The following GRIK2 variants were observed in gnomAD, a reference collection of about 807,000 sequenced individuals.
GRIK2 encodes glutamate ionotropic receptor kainate type subunit 2.
GRIK2 carries 32 observed loss-of-function variants against 100.3 expected under a neutral mutation model. The observed-to-expected ratio is 0.32, with a 90% confidence interval of 0.24 to 0.43. The LOEUF is 0.43. Among genes scored for constraint, GRIK2 ranks in the 20% least tolerant of loss-of-function variants. The probability of loss-of-function intolerance (pLI) is 1.00; values close to 1 mark genes in which losing one functional copy is unlikely to be tolerated. For synonymous variants in GRIK2, 417 were observed against 389.4 expected, an observed-to-expected ratio of 1.07 and a Z score of -0.83; for missense variants, 843 against 1,114.9, an observed-to-expected ratio of 0.76 and a Z score of 3.47.
At chr6:101,472,748 G>A (rs763667233) in intron 2 of GRIK2, among the ~76,000 whole-genome samples, 5 of 151,698 alleles carry the variant, frequency 3.3e-5, no homozygotes, top group Non-Finnish European at 7.4e-5. Flanking sequence ...AAATCATTAT[G>A]CAGTTTGTTA....
chr6:101,527,095 G>A (rs1351680811), intron 2 of GRIK2, among the ~76,000 whole-genome samples: 3 of 152,114 alleles, frequency 2.0e-5, no homozygotes, highest in Non-Finnish European at 4.4e-5. Flanking sequence ...TAAACACTAG[G>A]CATCTGATCA....
chr6:102,023,744 T>G (rs1236364255), intron 14 of GRIK2, among the ~76,000 whole-genome samples: 1 of 151,524 alleles, frequency 6.6e-6, no homozygotes, highest in Non-Finnish European at 1.5e-5. Context: ...GCTGTGCTGC[T>G]TCAGATTCAG....
chr6:101,848,842 T>A (rs1783952833), intron 10 of GRIK2, among the ~76,000 whole-genome samples: 3 of 152,066 alleles, frequency 2.0e-5, no homozygotes, highest in African/African-American at 7.2e-5. Context: ...CTTATTAGAG[T>A]AATGAGTTGA....
At chr6:101,575,618 T>G (rs1043287049) in intron 2 of GRIK2, among the ~76,000 whole-genome samples, 2 of 152,052 alleles carry the variant, frequency 1.3e-5, no homozygotes, top group Non-Finnish European at 2.9e-5. Flanking sequence ...TAGATAGTGT[T>G]CTGTTGCTTA....
At chr6:101,760,506 A>C (rs1159197766) in intron 7 of GRIK2, among the ~76,000 whole-genome samples, 2 of 47,876 alleles carry the variant, frequency 4.2e-5, no homozygotes, top group Non-Finnish European at 6.2e-5. Flanking sequence ...ATATTTAATT[A>C]TATATTTATT....
At chr6:101,433,898 T>C (rs1769565455) in intron 2 of GRIK2, among the ~76,000 whole-genome samples, 1 of 152,126 alleles carries the variant, frequency 6.6e-6, no homozygotes, top group South Asian at 2.1e-4. Context: ...TTAAGGAACA[T>C]TTTATGAGTC....
intron 2 of GRIK2, among the ~76,000 whole-genome samples, chr6:101,429,995 A>G (rs1769286922): frequency 6.6e-6 from 1 of 152,178 alleles, no homozygotes; most frequent in Admixed American, 6.5e-5. Context: ...TAGACCAGCA[A>G]GACAGAAACA....
At chr6:102,036,599 G>A (rs1282921162) in intron 15 of GRIK2, among the ~76,000 whole-genome samples, 1 of 151,026 alleles carries the variant, frequency 6.6e-6, no homozygotes, top group African/African-American at 2.4e-5. Context: ...GAGAGAGAAA[G>A]AGAAAGAAGA....
intron 4 of GRIK2, among the ~76,000 whole-genome samples, chr6:101,626,873 A>G (rs900714789): frequency 6.6e-6 from 1 of 152,024 alleles, no homozygotes; most frequent in African/African-American, 2.4e-5. Context: ...ATTCCTGTGA[A>G]AGATCAGCTA....
At chr6:101,981,902 A>T (rs956398261) in intron 14 of GRIK2, among the ~76,000 whole-genome samples, 3 of 151,948 alleles carry the variant, frequency 2.0e-5, no homozygotes, top group Admixed American at 6.6e-5. Context: ...TGAAAGATAG[A>T]AGTGCATGGT....
At chr6:101,892,357 T>A (rs539870620) in intron 12 of GRIK2, among the ~76,000 whole-genome samples, 20 of 152,272 alleles carry the variant, frequency 1.3e-4, no homozygotes, top group South Asian at 4.1e-4. Context: ...TAGAGGCATA[T>A]GGATGGATAT....
chr6:101,860,378 T>G (rs1338868990), intron 11 of GRIK2, among the ~76,000 whole-genome samples: 1 of 152,092 alleles, frequency 6.6e-6, no homozygotes, highest in Non-Finnish European at 1.5e-5. Context: ...TGAATATATA[T>G]ATTATATTTT....
chr6:101,960,769 T>A (rs1028482855), intron 14 of GRIK2, among the ~76,000 whole-genome samples: 2 of 152,202 alleles, frequency 1.3e-5, no homozygotes, highest in African/African-American at 4.8e-5. Flanking sequence ...AGCACAATGC[T>A]CTTCTGACAG....
intron 14 of GRIK2, among the ~76,000 whole-genome samples, chr6:101,945,443 C>T (rs540496852): frequency 6.6e-6 from 1 of 152,248 alleles, no homozygotes; most frequent in South Asian, 2.1e-4. Context: ...GCCATCAATG[C>T]TGTTGCTCAC....
intron 14 of GRIK2, among the ~76,000 whole-genome samples, chr6:102,023,516 G>C (rs1329257845): frequency 1.3e-5 from 2 of 151,424 alleles, no homozygotes; most frequent in Non-Finnish European, 3.0e-5. Flanking sequence ...ATTGATTTTT[G>C]AGTGTGTTTC....
chr6:101,634,693 T>C (rs896087055), intron 4 of GRIK2, among the ~76,000 whole-genome samples: 7 of 152,012 alleles, frequency 4.6e-5, no homozygotes, highest in African/African-American at 1.7e-4. Flanking sequence ...ACAGACAGAA[T>C]GTACATTCTT....
At chr6:101,879,826 GA>G (rs1786122040) in intron 11 of GRIK2, among the ~76,000 whole-genome samples, 1 of 151,818 alleles carries the variant, frequency 6.6e-6, no homozygotes, top group African/African-American at 2.4e-5. Flanking sequence ...TTGGACCACA[GA>G]AGTTCACTTT....
At chr6:101,755,160 G>GT (rs1777050919) in intron 7 of GRIK2, among the ~76,000 whole-genome samples, 1 of 137,558 alleles carries the variant, frequency 7.3e-6, no homozygotes, top group Admixed American at 7.3e-5. Context: ...TTTTCTTTTT[G>GT]GTTTTTTTTT....
At chr6:101,957,052 T>C (rs1791982393) in intron 14 of GRIK2, among the ~76,000 whole-genome samples, 1 of 151,864 alleles carries the variant, frequency 6.6e-6, no homozygotes, top group Non-Finnish European at 1.5e-5. Context: ...CTATTTTTAG[T>C]TCTTTGAGTA....
Sources: allele counts gnomAD v4.1 joint callset (sites outside exome capture counted in the v4.1 genomes callset), GRCh38; gene constraint gnomAD v4.1.1; transcripts MANE v1.5; gene names NCBI Gene and HGNC (gene_info 2026-07-23, HGNC 2026-07-21).